The following SAXO3 variants were observed in gnomAD, a reference collection of about 807,000 sequenced individuals.
SAXO3 encodes the protein stabilizer of axonemal microtubules 3.
At chr19:49,019,248 A>T in the SAXO3 span, 1 of 1,319,102 alleles carries the variant, frequency 7.6e-7, no homozygotes, top group Non-Finnish European at 9.7e-7. Flanking sequence ...CTGTTCAAGG[A>T]ACTCAAACCC....
the SAXO3 span, chr19:49,019,623 C>A: frequency 1.6e-6 from 2 of 1,258,006 alleles, no homozygotes; most frequent in Non-Finnish European, 2.0e-6. Flanking sequence ...CCCGTCTCGC[C>A]GGCGCCGGCT....
At chr19:49,018,375 T>C in the SAXO3 span, 1 of 1,197,810 alleles carries the variant, frequency 8.3e-7, no homozygotes, top group Non-Finnish European at 1.0e-6. Context: ...AGGATACAGC[T>C]GGATCCTTGG....
the SAXO3 span, chr19:49,019,974 G>T: frequency 6.6e-7 from 1 of 1,511,868 alleles, no homozygotes; most frequent in Non-Finnish European, 8.8e-7. Context: ...GCTCTGGGCT[G>T]GGCGCAGGGC....
At chr19:49,018,032 C>A in the SAXO3 span, 1 of 398,592 alleles carries the variant, frequency 2.5e-6, no homozygotes. Flanking sequence ...TTTCGGCACG[C>A]TGTAGATGCC....
the SAXO3 span, chr19:49,020,338 C>T: frequency 2.4e-6 from 1 of 414,536 alleles, no homozygotes; most frequent in Non-Finnish European, 4.2e-6. Context: ...TTCTGGGTCT[C>T]CAGGCCCGGC....
the SAXO3 span, chr19:49,018,990 G>C: frequency 6.5e-7 from 1 of 1,533,004 alleles, no homozygotes; most frequent in African/African-American, 1.4e-5. Context: ...CTTCGTCCAG[G>C]CAATTAGAGC....
the SAXO3 span, chr19:49,018,241 A>T: frequency 1.2e-6 from 1 of 808,610 alleles, no homozygotes; most frequent in Non-Finnish European, 1.7e-6. Context: ...AGGAGCGCGG[A>T]CAGGGCGGCC....
At chr19:49,019,416 AC>A in the SAXO3 span, 1 of 1,253,118 alleles carries the variant, frequency 8.0e-7, no homozygotes, top group Non-Finnish European at 1.0e-6. Flanking sequence ...TCTCCTCCCC[AC>A]CCACAGCCCG....
the SAXO3 span, chr19:49,019,296 C>CTT: frequency 9.1e-6 from 11 of 1,210,770 alleles, no homozygotes; most frequent in South Asian, 2.5e-4. Flanking sequence ...CCTGGTTCCG[C>CTT]TCTGTCTTAA....
the SAXO3 span, chr19:49,019,858 T>G: frequency 7.7e-7 from 1 of 1,302,144 alleles, no homozygotes; most frequent in Non-Finnish European, 1.0e-6. Flanking sequence ...GGGACTCAAA[T>G]GCAGTCCCCC....
the SAXO3 span, chr19:49,020,542 C>T: frequency 5.0e-6 from 2 of 398,714 alleles, no homozygotes. Context: ...CGTAGCCAAG[C>T]AGGAGCTGGC....
At chr19:49,018,244 G>T in the SAXO3 span, 2 of 844,828 alleles carry the variant, frequency 2.4e-6, no homozygotes, top group Non-Finnish European at 3.1e-6. Flanking sequence ...AGCGCGGACA[G>T]GGCGGCCGCT....
chr19:49,019,264 C>G, the SAXO3 span: 20,105 of 1,298,888 alleles, frequency 0.015, 210 homozygotes, highest in Middle Eastern at 0.041. Context: ...AACCCAAGCC[C>G]CCAGCCACCA....
chr19:49,019,559 A>C, the SAXO3 span: 1 of 1,184,130 alleles, frequency 8.4e-7, no homozygotes, highest in Non-Finnish European at 1.1e-6. Flanking sequence ...CCCTTTAGCC[A>C]CGCCCCAAAG....
chr19:49,019,447 C>T, the SAXO3 span: 1 of 1,258,638 alleles, frequency 7.9e-7, no homozygotes, highest in Non-Finnish European at 1.0e-6. Flanking sequence ...TCCGCAGCAG[C>T]TTAGGAGCCC....
the SAXO3 span, chr19:49,019,203 C>T: frequency 1.4e-6 from 2 of 1,397,094 alleles, no homozygotes; most frequent in Non-Finnish European, 1.9e-6. Flanking sequence ...CCGAACCCTT[C>T]CCAGCCTCAC....
chr19:49,018,887 A>G, the SAXO3 span: 4 of 1,534,306 alleles, frequency 2.6e-6, no homozygotes, highest in Non-Finnish European at 3.5e-6. Context: ...GATAGAACCG[A>G]AAGTCCCGCG....
chr19:49,018,767 G>A, the SAXO3 span: 7 of 999,744 alleles, frequency 7.0e-6, no homozygotes, highest in Non-Finnish European at 8.9e-6. Flanking sequence ...AGAAGTCGAG[G>A]CTGAGACCAC....
At chr19:49,019,299 T>TC in the SAXO3 span, 2 of 1,229,674 alleles carry the variant, frequency 1.6e-6, no homozygotes, top group Admixed American at 3.8e-5. Flanking sequence ...GGTTCCGCTC[T>TC]GTCTTAAACC....
Sources: gnomAD v4.1 joint callset for allele counts on GRCh38, gnomAD v4.1.1 for gene constraint, MANE v1.5 for transcripts, NCBI Gene and HGNC (gene_info 2026-07-23, HGNC 2026-07-21) for gene names.